The following SBNO2 variants were observed in gnomAD, a reference collection of about 807,000 sequenced individuals.
SBNO2 encodes the protein protein strawberry notch homolog 2.
SBNO2 carries 89 observed loss-of-function variants against 146.3 expected under a neutral mutation model. That is an observed-to-expected ratio of 0.61 (90% confidence interval 0.51 to 0.73). The LOEUF (loss-of-function observed/expected upper bound fraction) is 0.73, where lower values mean the gene tolerates loss of function less well. SBNO2 is among the 30% of genes least tolerant of loss of function. The probability of loss-of-function intolerance (pLI) is 0.00; values close to 1 mark genes in which losing one functional copy is unlikely to be tolerated. For synonymous variants in SBNO2, 1,147 were observed against 892.6 expected (o/e 1.29, Z -5.08); for missense variants, 2,092 against 2,003.7 (o/e 1.04, Z -0.84).
chr19:1,142,105 G>A (rs1388382728), intron 4 of SBNO2, among the ~76,000 whole-genome samples: 1 of 4,948 alleles, frequency 2.0e-4, no homozygotes. Context: ...CTCACTCAGT[G>A]ACCTCCCTCA....
intron 23 of SBNO2, 84 bp downstream of exon 23, chr19:1,111,912 A>T: frequency 8.8e-7 from 1 of 1,133,372 alleles, no homozygotes; most frequent in Non-Finnish European, 1.2e-6. Flanking sequence ...GCCCCCATCT[A>T]CCCCCTCCCC....
intron 4 of SBNO2, chr19:1,128,179 A>T (rs779901144): frequency 2.1e-6 from 1 of 485,946 alleles, no homozygotes; most frequent in Non-Finnish European, 4.1e-6. Flanking sequence ...GAGAAACACC[A>T]ACCCTCAGGG....
At chr19:1,118,385 G>GT (rs2079858448) in intron 14 of SBNO2, among the ~76,000 whole-genome samples, 1 of 152,070 alleles carries the variant, frequency 6.6e-6, no homozygotes, top group Non-Finnish European at 1.5e-5. Flanking sequence ...GCTGTTGGGC[G>GT]TGAGGGGGAG....
chr19:1,132,811 G>C (rs1234536152), intron 4 of SBNO2, among the ~76,000 whole-genome samples: 1 of 152,230 alleles, frequency 6.6e-6, no homozygotes, highest in Admixed American at 6.5e-5. Context: ...TCTGGGGCTG[G>C]CGGAGGGAGA....
At position 1,171,974 on chromosome 19, in the gene SBNO2, G is replaced by GA. The variant is rs1376603547; in HGVS notation, c.-127+2197dup. ...GAGAGGCCAGACCCCAAAGCAAACT[G>GA]AGAGTGAATGGATGAGGGAAGCTCC... On this transcript the variant is annotated intron_variant, in intron 1 of 31. Coordinates refer to ENST00000361757, the MANE Select transcript of SBNO2 (RefSeq NM_014963.3). Among the ~76,000 whole-genome samples, 5 of 152,138 alleles carry GA rather than the reference G, an allele frequency of 3.3e-5. No homozygotes were observed. In the East Asian group the frequency reaches 9.6e-4, roughly 29 times the overall value.
intron 4 of SBNO2, chr19:1,132,390 C>T (rs2080041231): frequency 2.9e-6 from 2 of 686,600 alleles, no homozygotes; most frequent in South Asian, 6.5e-5. Context: ...AATTACTGTA[C>T]GGGGCGGATC....
chr19:1,132,231 G>C lies in SBNO2; in HGVS notation c.280-4466C>G, dbSNP rs559870950. The C allele has an allele frequency of 2.8e-5, 37 of 1,303,650 alleles. 1 individual carries two copies. In the South Asian group the frequency reaches 7.8e-4, roughly 28 times the overall value. The allele number at this position is 1,303,650 out of a possible 1,614,324, so 80.8% of individuals were successfully genotyped here. Reference sequence around the variant, plus strand: ...CAGCAGCCCCAGCATTGGGTCGGCCGGGGCGGACGGGGGCGGCTCTCCGCC... The same window carrying C: ...CAGCAGCCCCAGCATTGGGTCGGCCCGGGCGGACGGGGGCGGCTCTCCGCC... On this transcript the variant is annotated intron_variant, in intron 4 of 31. Transcript: ENST00000361757.
At chr19:1,127,794 G>A in intron 4 of SBNO2, 29 bp from the exon 5 acceptor site, 3 of 1,608,190 alleles carry the variant, frequency 1.9e-6, no homozygotes, top group South Asian at 1.1e-5. Context: ...CCCGGTGAGG[G>A]TGGTACGGGA....
At chr19:1,165,266 G>A (rs901894854) in intron 1 of SBNO2, among the ~76,000 whole-genome samples, 11 of 152,156 alleles carry the variant, frequency 7.2e-5, no homozygotes, top group African/African-American at 1.7e-4. Flanking sequence ...GCACGGTGCC[G>A]AATGCAGGCC....
Position 1,112,349 on chromosome 19 carries a change from G to C in SBNO2, c.2516-48C>G. 2 of 1,568,436 alleles carry C rather than the reference G, an allele frequency of 1.3e-6. No individual in the cohort carries two copies. The highest frequency in any genetic ancestry group is 1.7e-6 in the Non-Finnish European group (2 of 1,159,460). On this transcript the variant is annotated intron_variant, in intron 21 of 31. Coordinates refer to ENST00000361757, the MANE Select transcript of SBNO2 (RefSeq NM_014963.3). This position sits in a 1 kb window ranked among gnomAD's most constrained non-coding sequence, Gnocchi z 5.9. Reference sequence around the variant, plus strand: ...GGCCCGGCCAGGCGGGGGCGGGGCCGAGACCATGTTGGGGGCGGGGCCAGG... The same window carrying C: ...GGCCCGGCCAGGCGGGGGCGGGGCCCAGACCATGTTGGGGGCGGGGCCAGG...
Position 1,108,587 on chromosome 19 carries a change from C to T in SBNO2, c.3734G>A (p.Arg1245His), listed in dbSNP as rs1162362772. 3 of 1,175,038 alleles carry T rather than the reference C, an allele frequency of 2.6e-6. No individual in the cohort carries two copies. Among genetic ancestry groups the T allele is most frequent in the African/African-American group, 1.7e-5 (1 of 60,074 alleles). 72.8% of individuals were successfully genotyped at this position (1,175,038 alleles called of 1,614,324 possible). A position where few individuals can be genotyped will look rare whatever the true frequency, so the allele number is the denominator to read the frequency against. ...ALGCPAPPAP[R>H]PLALPCGPGE... is the part of the protein sequence containing the mutation. Reference sequence around the variant, plus strand: ...GGGGCCGCAAGGCAGCGCCAGCGGGCGCGGGGCGGGCGGGGCGGGGCAGCC... The same window carrying T: ...GGGGCCGCAAGGCAGCGCCAGCGGGTGCGGGGCGGGCGGGGCGGGGCAGCC... Residue 1245 changes from arginine (R) to histidine (H), a missense_variant, in exon 32 of 32, where the codon CGC becomes CAC. By Grantham distance (29) the Arg-to-His change is conservative. Coordinates refer to ENST00000361757, the MANE Select transcript of SBNO2 (RefSeq NM_014963.3).
chr19:1,112,482 C>A lies in SBNO2; in HGVS notation c.2435G>T (p.Arg812Leu), dbSNP rs1392775188. The stretch of plus-strand genomic sequence containing the variant: ...GCGGCGCCGCTGGTTCTGGACACGG[C>A]GGTCGGCTTGGAGGGAGACACCCGA... ...SSSGVSLQAD[R>L]RVQNQRRRVH... The change falls in exon 21 of 32, where the codon CGC becomes CTC. Residue 812 changes from arginine to leucine, a missense_variant. Coordinates refer to ENST00000361757, the MANE Select transcript of SBNO2 (RefSeq NM_014963.3). The surrounding 1 kb of genome is among the most constrained non-coding windows in gnomAD (Gnocchi z 5.9). 1.4e-5 allele frequency: 23 copies of A among 1,606,882 alleles called. No individual in the cohort carries two copies. The highest frequency in any genetic ancestry group is 2.0e-5 in the Non-Finnish European group (23 of 1,178,506).
At chr19:1,141,237 CAG>C (rs943815028) in intron 4 of SBNO2, among the ~76,000 whole-genome samples, 1 of 151,326 alleles carries the variant, frequency 6.6e-6, no homozygotes, top group Non-Finnish European at 1.5e-5. Context: ...TTTTTTTAGA[CAG>C]AGTCTTGCTC....
At chr19:1,147,491 C>T in intron 3 of SBNO2, 71 bp from the exon 4 acceptor site, 1 of 882,526 alleles carries the variant, frequency 1.1e-6, no homozygotes, top group Non-Finnish European at 1.7e-6. Context: ...ACACCTGCAC[C>T]CCCATGGCCG....
intron 1 of SBNO2, among the ~76,000 whole-genome samples, chr19:1,159,165 C>T (rs1294561969): frequency 6.6e-6 from 1 of 152,160 alleles, no homozygotes; most frequent in Non-Finnish European, 1.5e-5. Context: ...ACCTGGCGGG[C>T]GCACAACTCG....
intron 17 of SBNO2, among the ~76,000 whole-genome samples, chr19:1,114,931 C>CTTAT (rs1021975672): frequency 2.0e-5 from 3 of 151,686 alleles, no homozygotes; most frequent in African/African-American, 7.3e-5. Flanking sequence ...CCACGCCTGG[C>CTTAT]TTATTTATTT....
At chr19:1,117,191 G>T (rs1009216214) in intron 15 of SBNO2, 132 bp downstream of exon 15, 3 of 941,174 alleles carry the variant, frequency 3.2e-6, no homozygotes, top group Non-Finnish European at 4.6e-6. Flanking sequence ...ACGGACATCC[G>T]GGCGTCTCTC....
In SBNO2 at chr19:1,109,760, C is replaced by A. The variant is rs747819146; in HGVS notation, c.3046G>T (p.Glu1016Ter). The stretch of plus-strand genomic sequence containing the variant: ...TGCTGGCTCTCCTCGTAGATCTCCT[C>A]GATACCGGGAGCAAGGTCTAGGGGG... Reference protein sequence around the residue: ...MGILDLAPGIEEIYEESQQVF... With the variant: ...MGILDLAPGI Residue 1016 changes from glutamate to a stop codon, truncating the protein, a stop_gained, in exon 27 of 32, where the codon GAG becomes TAG. Coordinates refer to ENST00000361757, the MANE Select transcript of SBNO2 (RefSeq NM_014963.3). LOFTEE classifies it high-confidence loss of function. This position sits in a 1 kb window ranked among gnomAD's most constrained non-coding sequence, Gnocchi z 4.2. 6.3e-7 allele frequency: 1 copy of A among 1,592,602 alleles called. No individual in the cohort carries two copies. Among genetic ancestry groups the A allele is most frequent in the Admixed American group, 1.7e-5 (1 of 59,016 alleles).
At chr19:1,159,741 C>T (rs1599877366) in intron 1 of SBNO2, among the ~76,000 whole-genome samples, 1 of 95,068 alleles carries the variant, frequency 1.1e-5, no homozygotes, top group African/African-American at 4.3e-5. Context: ...GGGGTGACAA[C>T]AGGGAGACAG....
Sources: allele counts gnomAD v4.1 joint callset (sites outside exome capture counted in the v4.1 genomes callset), GRCh38; gene constraint gnomAD v4.1.1; non-coding constraint Gnocchi (gnomAD v3.1); transcripts MANE v1.5; gene names NCBI Gene and HGNC (gene_info 2026-07-23, HGNC 2026-07-21).